Variants in UGT1A10 observed in about 807,000 individuals in gnomAD.
UGT1A10 encodes UDP-glucuronosyltransferase 1A10.
UGT1A10 carries 49 observed loss-of-function variants against 45.8 expected under a neutral mutation model. The observed-to-expected ratio is 1.07, with a 90% CI of 0.85 to 1.36. UGT1A10 has a LOEUF of 1.36. UGT1A10 is among the 40% of genes most tolerant of loss of function. UGT1A10 has a pLI of 0.00. For synonymous variants in UGT1A10, 284 were observed against 249.7 expected (o/e 1.14, Z -1.29); for missense variants, 745 against 668.6 (o/e 1.11, Z -1.26).
chr2:233,729,302 T>A, intron 1 of UGT1A10: 1 of 1,614,250 alleles, frequency 6.2e-7, no homozygotes, highest in Non-Finnish European at 8.5e-7. Context: ...CACCAGGCAG[T>A]GGTCCTCACC....
chr2:233,738,490 C>T (rs927376982), intron 1 of UGT1A10, among the ~76,000 whole-genome samples: 34 of 152,308 alleles, frequency 2.2e-4, no homozygotes, highest in Middle Eastern at 6.8e-3. Flanking sequence ...ACTTGTTGAA[C>T]GGTTTTGACC....
chr2:233,661,598 A>G (rs2073964260), intron 1 of UGT1A10, among the ~76,000 whole-genome samples: 1 of 141,574 alleles, frequency 7.1e-6, no homozygotes, highest in African/African-American at 2.5e-5. Context: ...GCCTGCTGGC[A>G]TCACTGCAGT....
intron 1 of UGT1A10, chr2:233,681,949 A>G: frequency 6.2e-7 from 1 of 1,613,620 alleles, no homozygotes; most frequent in Non-Finnish European, 8.5e-7. Flanking sequence ...TGGCTCGTGC[A>G]GGGTGGACTG....
chr2:233,738,227 A>G (rs1250315362), intron 1 of UGT1A10, among the ~76,000 whole-genome samples: 1 of 151,870 alleles, frequency 6.6e-6, no homozygotes, highest in African/African-American at 2.4e-5. Context: ...AAGTTTCCTG[A>G]GGCCCCTCCA....
intron 1 of UGT1A10, among the ~76,000 whole-genome samples, chr2:233,650,261 T>C (rs1308218130): frequency 4.6e-5 from 7 of 152,210 alleles, no homozygotes; most frequent in Non-Finnish European, 1.0e-4. Context: ...TGAGCCACCG[T>C]ACCTGGCCAA....
intron 1 of UGT1A10, among the ~76,000 whole-genome samples, chr2:233,653,681 C>A (rs2073790284): frequency 6.6e-6 from 1 of 152,214 alleles, no homozygotes; most frequent in South Asian, 2.1e-4. Flanking sequence ...ACTGCAACAT[C>A]TGCTGCCCGA....
chr2:233,670,293 G>C (rs1461024226), intron 1 of UGT1A10, among the ~76,000 whole-genome samples: 1 of 152,194 alleles, frequency 6.6e-6, no homozygotes, highest in African/African-American at 2.4e-5. Context: ...GGGTGGCAGA[G>C]GGGGAAGAAG....
intron 1 of UGT1A10, among the ~76,000 whole-genome samples, chr2:233,642,274 GT>G (rs1365174071): frequency 2.0e-5 from 3 of 152,060 alleles, no homozygotes; most frequent in Non-Finnish European, 4.4e-5. Flanking sequence ...TATTTCTTGT[GT>G]TTGGTCCATT....
At chr2:233,690,496 C>G (rs2074992345) in intron 1 of UGT1A10, 3 of 1,289,636 alleles carry the variant, frequency 2.3e-6, no homozygotes, top group Non-Finnish European at 3.0e-6. Context: ...CTGCTCTTGC[C>G]AACAGAGATT....
chr2:233,672,738 C>T (rs778259592), intron 1 of UGT1A10: 9 of 1,613,896 alleles, frequency 5.6e-6, no homozygotes, highest in Admixed American at 5.0e-5. Context: ...TGATGCCCAA[C>T]ATGATCTTCA....
At position 233,636,954 on chromosome 2, in the gene UGT1A10, A is replaced by C. The variant is rs944162954; in HGVS notation, c.432A>C (p.Ala144=). The C allele has an allele frequency of 6.2e-7, 1 of 1,613,972 alleles. No individual in the cohort carries two copies. The change falls in exon 1 of 5, where the codon GCA becomes GCC. Residue 144 remains alanine (A), a synonymous_variant. Coordinates refer to ENST00000344644, the MANE Select transcript of UGT1A10 (RefSeq NM_019075.4). ...VEYLKESSFD[A]VFLDPFDTCG... ...ACTTAAAGGAGAGTTCTTTTGATGC[A>C]GTGTTTCTGGATCCTTTTGATACCT...
intron 1 of UGT1A10, among the ~76,000 whole-genome samples, chr2:233,644,269 T>A (rs1321263015): frequency 1.3e-5 from 2 of 152,144 alleles, no homozygotes; most frequent in African/African-American, 4.8e-5. Flanking sequence ...CTAGGGCTGG[T>A]TTAAATGCTC....
chr2:233,710,827 C>T (rs1223443223), intron 1 of UGT1A10, among the ~76,000 whole-genome samples: 2 of 152,170 alleles, frequency 1.3e-5, no homozygotes, highest in East Asian at 3.8e-4. Context: ...GAATCTTTGT[C>T]TACCAAAAGG....
In UGT1A10 at chr2:233,769,571, G is replaced by A. The variant is rs1223462167; in HGVS notation, c.1295+1132G>A. On this transcript the variant is annotated intron_variant, in intron 4 of 4. Coordinates refer to ENST00000344644, the MANE Select transcript of UGT1A10 (RefSeq NM_019075.4). This position sits in a 1 kb window ranked among gnomAD's most constrained non-coding sequence, Gnocchi z 4.4. ...AGGAAGACAGATGTGAAGAGCTGGAGCATGTTCAGATGAGAGGAGACGGAA... is the reference window on the plus strand; with the variant it reads ...AGGAAGACAGATGTGAAGAGCTGGAACATGTTCAGATGAGAGGAGACGGAA... 1 of 1,612,768 alleles carries A rather than the reference G, an allele frequency of 6.2e-7. No homozygotes were observed. The highest frequency in any genetic ancestry group is 1.3e-5 in the African/African-American group (1 of 74,922).
intron 1 of UGT1A10, chr2:233,648,948 G>A (rs988247871): frequency 7.0e-7 from 1 of 1,436,014 alleles, no homozygotes; most frequent in African/African-American, 1.4e-5. Context: ...ACTTTGTTTT[G>A]GAGTATCCCA....
chr2:233,755,103 A>G, intron 1 of UGT1A10: 1 of 1,335,002 alleles, frequency 7.5e-7, no homozygotes, highest in Non-Finnish European at 1.0e-6. Flanking sequence ...CGCGTCCGAC[A>G]ACACCTCGTA....
intron 1 of UGT1A10, chr2:233,691,075 A>T: frequency 1.0e-6 from 1 of 986,258 alleles, no homozygotes; most frequent in Non-Finnish European, 1.2e-6. Flanking sequence ...AAGAATGTGA[A>T]GTTTGTAGCA....
intron 1 of UGT1A10, among the ~76,000 whole-genome samples, chr2:233,715,582 G>A (rs2076459243): frequency 6.6e-6 from 1 of 151,896 alleles, no homozygotes; most frequent in South Asian, 2.1e-4. Context: ...GAGCAGCCTG[G>A]GCAACATGCT....
intron 1 of UGT1A10, among the ~76,000 whole-genome samples, chr2:233,761,404 T>C (rs1310235983): frequency 6.6e-6 from 1 of 152,228 alleles, no homozygotes; most frequent in East Asian, 1.9e-4. Flanking sequence ...TAGTAATCAA[T>C]TAGAAACAAC....
Sources: gnomAD v4.1 joint callset for allele counts (sites outside exome capture counted in the v4.1 genomes callset) on GRCh38, gnomAD v4.1.1 for gene constraint, Gnocchi (gnomAD v3.1) non-coding constraint, MANE v1.5 for transcripts, NCBI Gene and HGNC (gene_info 2026-07-23, HGNC 2026-07-21) for gene names.